The following KIF11 variants were observed in gnomAD, a reference collection of about 807,000 sequenced individuals.
KIF11 encodes the protein kinesin family member 11.
A neutral mutation model predicts 121.0 loss-of-function variants in KIF11; 9 were observed. The observed-to-expected ratio is 0.07, with a 90% CI of 0.04 to 0.13. KIF11 has a LOEUF of 0.13. Among genes scored for constraint, KIF11 ranks in the 10% least tolerant of loss-of-function variants. KIF11 has a pLI of 1.00. For missense variants in KIF11, 846 were observed against 1,217.5 expected (o/e 0.69, Z 4.54); for synonymous variants, 408 against 421.0 (o/e 0.97, Z 0.38).
rs751190216 is a variant in KIF11, at chr10:92,593,468, A to G, written c.77+16A>G. The G allele has an allele frequency of 1.2e-6, 2 of 1,603,342 alleles. No homozygotes were observed. Among genetic ancestry groups the G allele is most frequent in the Non-Finnish European group, 8.5e-7 (1 of 1,175,172 alleles). The stretch of plus-strand genomic sequence containing the variant: ...TGAGATGCAGGTAGGGAGAGGGCTG[A>G]CAGGATTCCGAGCGCTGCGGCTTCG... On this transcript the variant is annotated intron_variant, in intron 1 of 21. Transcript: ENST00000260731.
chr10:92,601,265 A>G (rs1346338749), intron 1 of KIF11, among the ~76,000 whole-genome samples: 1 of 151,420 alleles, frequency 6.6e-6, no homozygotes, highest in African/African-American at 2.4e-5. Context: ...CAGTGGTGCA[A>G]TCTCTGCTCA....
intron 1 of KIF11, among the ~76,000 whole-genome samples, chr10:92,597,637 GGTTT>G (rs199828144): frequency 0.084 from 12,624 of 150,922 alleles, 1,104 homozygotes; most frequent in African/African-American, 0.22. Context: ...TTTTCCCTTG[GGTTT>G]GTTTGTTTGT....
At chr10:92,638,801 C>T (rs564239904) in intron 16 of KIF11, among the ~76,000 whole-genome samples, 34 of 152,306 alleles carry the variant, frequency 2.2e-4, no homozygotes, top group African/African-American at 7.5e-4. Flanking sequence ...AGTAAAAATA[C>T]TGACAGACTT....
Position 92,621,395 on chromosome 10 carries a change from A to G in KIF11, c.1139A>G (p.Glu380Gly). The change falls in exon 10 of 22, where the codon GAG becomes GGG. Residue 380 changes from glutamate (E) to glycine (G), a missense_variant. This residue lies in a region of KIF11 where 116 missense variants were observed against 285.3 expected (regional missense o/e 0.41). Coordinates refer to ENST00000260731, the MANE Select transcript of KIF11 (RefSeq NM_004523.4). ...ATTCCTCTTGTGTAGGAGTATACGG[A>G]GGAGATAGAACGTTTAAAACGAGAT... is the stretch of plus-strand genomic sequence containing the variant. ...TKKALIKEYT[E>G]EIERLKRDLA... The G allele has an allele frequency of 6.2e-7, 1 of 1,609,290 alleles. No individual in the cohort carries two copies. Among genetic ancestry groups the G allele is most frequent in the East Asian group, 2.2e-5 (1 of 44,834 alleles).
At chr10:92,607,054 G>C in intron 3 of KIF11, 105 bp from the exon 4 acceptor site, 1 of 702,192 alleles carries the variant, frequency 1.4e-6, no homozygotes. Flanking sequence ...TGGGATTATA[G>C]GCTTGAGCCA....
chr10:92,593,573 G>T, intron 1 of KIF11, 121 bp downstream of exon 1: 1 of 801,452 alleles, frequency 1.2e-6, no homozygotes, highest in Non-Finnish European at 2.0e-6. Flanking sequence ...TTGGTTCTCC[G>T]CGTTCTGTTC....
At chr10:92,637,671 C>A (rs1376057437) in intron 16 of KIF11, 126 bp downstream of exon 16, 2 of 856,306 alleles carry the variant, frequency 2.3e-6, no homozygotes, top group African/African-American at 1.8e-5. Flanking sequence ...AATACCATAG[C>A]CACTGTTGCT....
chr10:92,604,818 T>G (rs776584881), intron 1 of KIF11, among the ~76,000 whole-genome samples: 5 of 152,194 alleles, frequency 3.3e-5, no homozygotes, highest in Non-Finnish European at 7.3e-5. Flanking sequence ...AGTATATAAT[T>G]GTCTTATTGA....
At chr10:92,626,441 C>A (rs1358141861) in intron 10 of KIF11, among the ~76,000 whole-genome samples, 1 of 152,154 alleles carries the variant, frequency 6.6e-6, no homozygotes, top group Admixed American at 6.5e-5. Flanking sequence ...AAATGTAAAA[C>A]CTAAAACTAA....
intron 20 of KIF11, 39 bp downstream of exon 20, chr10:92,650,025 T>C: frequency 6.7e-7 from 1 of 1,496,784 alleles, no homozygotes; most frequent in Non-Finnish European, 9.2e-7. Flanking sequence ...AGAACTCTTT[T>C]ATGAACTCTT....
At chr10:92,619,016 T>TTATG (rs969201559) in intron 9 of KIF11, among the ~76,000 whole-genome samples, 2 of 151,950 alleles carry the variant, frequency 1.3e-5, no homozygotes, top group African/African-American at 4.8e-5. Flanking sequence ...CCTTATTTAT[T>TTATG]TATTTATTTA....
In KIF11 at chr10:92,613,075, T is replaced by C. The variant is rs1439252863; in HGVS notation, c.734T>C (p.Met245Thr). Residue 245 changes from methionine (M) to threonine (T), a missense_variant, in exon 7 of 22, where the codon ATG becomes ACG. Met to Thr is a moderately conservative substitution (Grantham distance 81). Coordinates refer to ENST00000260731, the MANE Select transcript of KIF11 (RefSeq NM_004523.4). This position sits in a 1 kb window ranked among gnomAD's most constrained non-coding sequence, Gnocchi z 4.2. ...TCAGTTTTCTCTGTTACAATACATA[T>C]GAAAGAAACTACGATTGATGGAGAA... ...SHSVFSVTIH[M>T]KETTIDGEEL... 10 of 1,612,176 alleles carry C rather than the reference T, an allele frequency of 6.2e-6. No homozygotes were observed. Among genetic ancestry groups the C allele is most frequent in the Non-Finnish European group, 7.6e-6 (9 of 1,178,736 alleles).
intron 17 of KIF11, among the ~76,000 whole-genome samples, chr10:92,640,714 G>A (rs1293588615): frequency 1.3e-5 from 2 of 152,120 alleles, no homozygotes; most frequent in African/African-American, 4.8e-5. Flanking sequence ...GCAGGCGTGA[G>A]CCACCACGCC....
At chr10:92,629,506 G>T (rs1844713754) in intron 11 of KIF11, among the ~76,000 whole-genome samples, 1 of 152,076 alleles carries the variant, frequency 6.6e-6, no homozygotes, top group Non-Finnish European at 1.5e-5. Context: ...TCAGATGAAG[G>T]AATACAGATA....
At chr10:92,628,675 A>G (rs1844703182) in intron 10 of KIF11, 133 bp from the exon 11 acceptor site, 1 of 506,124 alleles carries the variant, frequency 2.0e-6, no homozygotes, top group South Asian at 3.2e-5. Flanking sequence ...GTATCAAGTG[A>G]CACTTGGGTA....
At chr10:92,607,558 AT>A (rs1019976656) in intron 4 of KIF11, among the ~76,000 whole-genome samples, 3 of 152,196 alleles carry the variant, frequency 2.0e-5, no homozygotes, top group Non-Finnish European at 4.4e-5. Context: ...AGGGCTTTGT[AT>A]TGAAGGAATG....
intron 6 of KIF11, among the ~76,000 whole-genome samples, chr10:92,609,886 G>C (rs1015339588): frequency 3.9e-5 from 6 of 152,076 alleles, no homozygotes; most frequent in Non-Finnish European, 7.3e-5. Flanking sequence ...ACAGGTGTCT[G>C]CCACTACGCC....
At chr10:92,637,017 A>G (rs190877908) in intron 14 of KIF11, among the ~76,000 whole-genome samples, 167 bp from the exon 15 acceptor site, 13 of 145,460 alleles carry the variant, frequency 8.9e-5, no homozygotes, top group African/African-American at 3.1e-4. Context: ...TGGGTGACAG[A>G]ATGAGACTCC....
At chr10:92,609,289 AGAGAGAGAGAGAGAGTGTGTGT>A (rs938225938) in intron 5 of KIF11, 74 bp from the exon 6 acceptor site, 8 of 1,350,162 alleles carry the variant, frequency 5.9e-6, no homozygotes, top group African/African-American at 5.4e-5. Context: ...AGAGAGAGAG[AGAGAGAGAGAGAGAGTGTGTGT>A]GTGTGTGTGT....
Sources: gnomAD v4.1 joint callset for allele counts (sites outside exome capture counted in the v4.1 genomes callset) on GRCh38, gnomAD v4.1.1 for gene constraint, gnomAD v4.1.1 regional missense constraint, Gnocchi (gnomAD v3.1) non-coding constraint, MANE v1.5 for transcripts, NCBI Gene and HGNC (gene_info 2026-07-23, HGNC 2026-07-21) for gene names.